EPB41L4A: variants seen among roughly 807,000 people sequenced by gnomAD.
EPB41L4A encodes the protein band 4.1-like protein 4A.
A neutral mutation model predicts 108.6 loss-of-function variants in EPB41L4A; 100 were observed. That is an observed-to-expected ratio of 0.92 (90% CI 0.78 to 1.09). The LOEUF is 1.09. EPB41L4A is among the 50% of genes least tolerant of loss of function. The pLI is 0.00. For missense variants in EPB41L4A, 1,030 were observed against 842.7 expected, an observed-to-expected ratio of 1.22 and a Z score of -2.75; for synonymous variants, 319 against 289.0, an observed-to-expected ratio of 1.10 and a Z score of -1.05.
At chr5:112,194,247 T>G (rs766381657) in intron 17 of EPB41L4A, among the ~76,000 whole-genome samples, 1 of 152,212 alleles carries the variant, frequency 6.6e-6, no homozygotes, top group Non-Finnish European at 1.5e-5. Flanking sequence ...GGGAGAAATC[T>G]ATCTACGAAT....
chr5:112,171,921 G>T (rs1760601573), intron 18 of EPB41L4A, among the ~76,000 whole-genome samples: 1 of 149,676 alleles, frequency 6.7e-6, no homozygotes, highest in South Asian at 2.1e-4. Context: ...AGCATTTGGG[G>T]GGCTCAATAA....
chr5:112,328,440 A>C (rs958047625), intron 1 of EPB41L4A, among the ~76,000 whole-genome samples: 5 of 152,232 alleles, frequency 3.3e-5, no homozygotes, highest in African/African-American at 1.2e-4. Context: ...TGTATATCTG[A>C]TAACCACTTT....
intron 1 of EPB41L4A, among the ~76,000 whole-genome samples, chr5:112,399,763 T>C (rs908395293): frequency 2.6e-5 from 4 of 152,178 alleles, no homozygotes; most frequent in Non-Finnish European, 4.4e-5. Flanking sequence ...ACCTACCTAG[T>C]AACACCAACT....
At chr5:112,280,962 C>T (rs935859919) in intron 2 of EPB41L4A, among the ~76,000 whole-genome samples, 1 of 152,138 alleles carries the variant, frequency 6.6e-6, no homozygotes, top group African/African-American at 2.4e-5. Context: ...GCAATCAAAT[C>T]GTCATTAAGG....
At chr5:112,198,708 G>C (rs1762081243) in intron 15 of EPB41L4A, among the ~76,000 whole-genome samples, 1 of 151,850 alleles carries the variant, frequency 6.6e-6, no homozygotes, top group Non-Finnish European at 1.5e-5. Context: ...TTCCGTTTTG[G>C]AGAAGATTTT....
intron 18 of EPB41L4A, among the ~76,000 whole-genome samples, chr5:112,183,113 G>A (rs1027452299): frequency 6.6e-5 from 10 of 151,970 alleles, no homozygotes; most frequent in Non-Finnish European, 1.0e-4. Flanking sequence ...TGAACCCCCC[G>A]GTACACTCCA....
chr5:112,374,469 A>T (rs1191881194), intron 1 of EPB41L4A, among the ~76,000 whole-genome samples: 1 of 152,260 alleles, frequency 6.6e-6, no homozygotes, highest in Admixed American at 6.5e-5. Context: ...CTAAATAAAA[A>T]TGATTCGCAC....
intron 1 of EPB41L4A, among the ~76,000 whole-genome samples, chr5:112,327,635 G>A (rs557821786): frequency 6.6e-6 from 1 of 152,160 alleles, no homozygotes; most frequent in African/African-American, 2.4e-5. Flanking sequence ...AAGATAATTT[G>A]AAAGCCCAAG....
intron 1 of EPB41L4A, among the ~76,000 whole-genome samples, chr5:112,410,286 T>G (rs772788548): frequency 2.6e-5 from 4 of 152,132 alleles, no homozygotes; most frequent in Non-Finnish European, 5.9e-5. Flanking sequence ...TGAAAATGAC[T>G]GCCACTCGCA....
At chr5:112,372,950 T>C (rs1009640344) in intron 1 of EPB41L4A, among the ~76,000 whole-genome samples, 5 of 152,184 alleles carry the variant, frequency 3.3e-5, no homozygotes, top group Admixed American at 6.5e-5. Context: ...AGCTCTCAAT[T>C]ACTTAACCCT....
chr5:112,335,570 G>C (rs550184895), intron 1 of EPB41L4A, among the ~76,000 whole-genome samples: 104 of 152,160 alleles, frequency 6.8e-4, no homozygotes, highest in African/African-American at 2.5e-3. Context: ...ACATTTTTAC[G>C]ACTAGAACAG....
At chr5:112,300,090 T>C (rs370373730) in intron 2 of EPB41L4A, among the ~76,000 whole-genome samples, 1 of 152,230 alleles carries the variant, frequency 6.6e-6, no homozygotes, top group South Asian at 2.1e-4. Flanking sequence ...GGTGAATTCT[T>C]ATCCATTCTG....
chr5:112,419,930 G>C (rs975002412), upstream of EPB41L4A: 2 of 455,708 alleles, frequency 4.4e-6, no homozygotes, highest in Non-Finnish European at 4.4e-6. Context: ...GGGGAGGCGG[G>C]GACCTGCGGG....
downstream of EPB41L4A, chr5:112,161,722 A>G (rs908221145): frequency 3.2e-5 from 15 of 465,038 alleles, no homozygotes; most frequent in Admixed American, 2.6e-4. Context: ...GGATGCCTGA[A>G]GTGTAGACTG....
rs1198416125 is a variant in EPB41L4A at position 112,285,470 on chromosome 5, G to T, written c.205-5147C>A. On this transcript the variant is annotated intron_variant, in intron 2 of 22. Coordinates refer to ENST00000261486, the MANE Select transcript of EPB41L4A (RefSeq NM_022140.5). Reference sequence around the variant, plus strand: ...CACTGACCCTGTAAACAGATCTATGGCCCTCTAAGCAACATCAAGAGGACA... The same window carrying T: ...CACTGACCCTGTAAACAGATCTATGTCCCTCTAAGCAACATCAAGAGGACA... Among the ~76,000 whole-genome samples, 5 of 152,088 alleles carry T rather than the reference G, an allele frequency of 3.3e-5. No individual in the cohort carries two copies. The East Asian group carries it at 9.6e-4, about 29-fold the overall frequency.
intron 16 of EPB41L4A, 24 bp downstream of exon 16, chr5:112,195,637 G>A (rs745608252): frequency 1.3e-6 from 2 of 1,588,872 alleles, no homozygotes; most frequent in East Asian, 2.2e-5. Context: ...CCCTCTGACT[G>A]TCCTTCCATT....
chr5:112,405,030 GTTTT>G, intron 1 of EPB41L4A, among the ~76,000 whole-genome samples: 1 of 152,172 alleles, frequency 6.6e-6, no homozygotes, highest in African/African-American at 2.4e-5. Flanking sequence ...GGGAGCCCTT[GTTTT>G]CATACCCTTG....
chr5:112,270,766 C>G (rs1267311242), intron 4 of EPB41L4A, among the ~76,000 whole-genome samples: 1 of 152,138 alleles, frequency 6.6e-6, no homozygotes, highest in Non-Finnish European at 1.5e-5. Flanking sequence ...CCAAATAAAA[C>G]AAACCCATCT....
chr5:112,218,328 T>C (rs186216626), intron 12 of EPB41L4A, among the ~76,000 whole-genome samples: 14 of 152,336 alleles, frequency 9.2e-5, no homozygotes, highest in Non-Finnish European at 1.9e-4. Context: ...TATCTATGAA[T>C]GGTCAGCTGG....
Sources: gnomAD v4.1 joint callset for allele counts (sites outside exome capture counted in the v4.1 genomes callset) on GRCh38, gnomAD v4.1.1 for gene constraint, MANE v1.5 for transcripts, NCBI Gene and HGNC (gene_info 2026-07-23, HGNC 2026-07-21) for gene names.